The following PRDM7 variants were observed in gnomAD, a reference collection of about 807,000 sequenced individuals.
PRDM7 encodes histone-lysine N-methyltransferase PRDM7.
In PRDM7, 52 loss-of-function variants were observed where a neutral mutation model predicts 64.3. The ratio of observed to expected loss-of-function variants is 0.81; its 90% confidence interval spans 0.65 to 1.02. The LOEUF is 1.02. PRDM7 is among the 50% of genes least tolerant of loss of function. The pLI, the probability that PRDM7 is intolerant of heterozygous loss-of-function variation, is 0.00. For missense variants in PRDM7, 574 were observed against 597.1 expected, an observed-to-expected ratio of 0.96 and a Z score of 0.40; for synonymous variants, 192 against 210.1, an observed-to-expected ratio of 0.91 and a Z score of 0.74.
At position 90,075,449 on chromosome 16, in the gene PRDM7, G is replaced by A; in HGVS notation, c.95C>T (p.Ser32Phe). The stretch of plus-strand genomic sequence containing the variant: ...CCATTCTTCCTTGGTGAAGTATATG[G>A]AAATGTCTTTGAAGGCATCTTTGAC... ...PMVKDAFKDI[S>F]IYFTKEEWAE... The change falls in exon 3 of 11, where the codon TCC (serine) becomes TTC (phenylalanine). Residue 32 changes from serine (S) to phenylalanine (F), a missense_variant. Physicochemically the swap from Ser to Phe is radical, Grantham distance 155. Coordinates refer to ENST00000449207, the MANE Select transcript of PRDM7 (RefSeq NM_001098173.2). The surrounding 1 kb of genome is among the most constrained non-coding windows in gnomAD (Gnocchi z 4.3). 6.2e-7 allele frequency: 1 copy of A among 1,614,136 alleles called. No individual in the cohort carries two copies.
In PRDM7 at chr16:90,067,150, G is replaced by C. The variant is rs549807182; in HGVS notation, c.302-240C>G. ...CCAGCTAATTTTTGCATTTTTAGTAGAGATGGGGTTTCTCCATGTTGGCGA... is the reference window on the plus strand; with the variant it reads ...CCAGCTAATTTTTGCATTTTTAGTACAGATGGGGTTTCTCCATGTTGGCGA... On this transcript the variant is annotated intron_variant, in intron 4 of 10. Coordinates refer to ENST00000449207, the MANE Select transcript of PRDM7 (RefSeq NM_001098173.2). Among the ~76,000 whole-genome samples the C allele has an allele frequency of 2.0e-5, 3 of 151,048 alleles. No individual in the cohort carries two copies. The East Asian group carries it at 5.8e-4, about 29-fold the overall frequency.
At position 90,062,470 on chromosome 16, in the gene PRDM7, A is replaced by G. The variant is rs762476409; in HGVS notation, c.541T>C (p.Tyr181His). The part of the protein sequence containing the change: ...LRRKETEGKM[Y>H]SLRERKGHAY... ...TGACCCTTTCTTTCTCGCAGGCTAT[A>G]CATCTTTCCTTCAGTCTCCTTCCTC... The change falls in exon 7 of 11, where the codon TAT (tyrosine) becomes CAT (histidine). Residue 181 changes from tyrosine (Y) to histidine (H), a missense_variant. By Grantham distance (83) the Tyr-to-His change is moderately conservative. Coordinates refer to ENST00000449207, the MANE Select transcript of PRDM7 (RefSeq NM_001098173.2). 6.2e-7 allele frequency: 1 copy of G among 1,614,104 alleles called. No individual in the cohort carries two copies. The highest frequency in any genetic ancestry group is 8.5e-7 in the Non-Finnish European group (1 of 1,180,018).
chr16:90,072,136 C>T (rs1258244340), intron 4 of PRDM7, among the ~76,000 whole-genome samples: 6 of 150,810 alleles, frequency 4.0e-5, no homozygotes, highest in African/African-American at 7.3e-5. Flanking sequence ...GATGCTGAGG[C>T]GGGAGAATGG....
intron 8 of PRDM7, 27 bp downstream of exon 8, chr16:90,061,894 A>G (rs2037783737): frequency 6.2e-7 from 1 of 1,614,138 alleles, no homozygotes; most frequent in South Asian, 1.1e-5. Flanking sequence ...GGAAGACAGA[A>G]CAGGGGAAAC....
At chr16:90,063,563 C>A in intron 6 of PRDM7, 49 bp downstream of exon 6, 1 of 1,601,454 alleles carries the variant, frequency 6.2e-7, no homozygotes, top group Non-Finnish European at 8.5e-7. Context: ...ACTCACCAAC[C>A]TTTCTAGAGG....
intron 5 of PRDM7, among the ~76,000 whole-genome samples, chr16:90,064,649 A>C (rs1387482101): frequency 6.6e-6 from 1 of 151,092 alleles, no homozygotes; most frequent in Non-Finnish European, 1.5e-5. Context: ...CCTCACCTCA[A>C]GTGATCCACC....
intron 4 of PRDM7, among the ~76,000 whole-genome samples, chr16:90,074,294 C>G (rs1225699200): frequency 6.6e-6 from 1 of 151,048 alleles, no homozygotes; most frequent in Non-Finnish European, 1.5e-5. Context: ...TCATCATCAT[C>G]ATCATCATCA....
At chr16:90,061,220 G>C (rs1486026736) in intron 9 of PRDM7, among the ~76,000 whole-genome samples, 1 of 152,036 alleles carries the variant, frequency 6.6e-6, no homozygotes, top group Non-Finnish European at 1.5e-5. Flanking sequence ...GGTTTATCTT[G>C]GTGCCTCAAT....
chr16:90,061,316 TA>T, intron 9 of PRDM7, 135 bp downstream of exon 9: 2 of 853,308 alleles, frequency 2.3e-6, no homozygotes, highest in Middle Eastern at 2.7e-4. Context: ...GTTGATGGTA[TA>T]AAACAGCATT....
At chr16:90,065,866 A>G (rs1243944181) in intron 5 of PRDM7, among the ~76,000 whole-genome samples, 1 of 151,366 alleles carries the variant, frequency 6.6e-6, no homozygotes, top group Admixed American at 6.6e-5. Flanking sequence ...AGTTTAATTC[A>G]TAAGCTTGGA....
rs2038025748 is a variant in PRDM7, at chr16:90,075,594, A to G, written c.70-120T>C. On this transcript the variant is annotated intron_variant, in intron 2 of 10. Transcript: ENST00000449207. The surrounding 1 kb of genome is among the most constrained non-coding windows in gnomAD (Gnocchi z 4.3). Reference sequence around the variant, plus strand: ...CTGGGAGTCTCTGTGAAACATAAAGACCTTCCCTCCTTCTCCAGATTGTGT... The same window carrying G: ...CTGGGAGTCTCTGTGAAACATAAAGGCCTTCCCTCCTTCTCCAGATTGTGT... 4 of 1,518,524 alleles carry G rather than the reference A, an allele frequency of 2.6e-6. No individual in the cohort carries two copies. In the East Asian group the frequency reaches 6.8e-5, roughly 26 times the overall value. 94.1% of individuals were successfully genotyped at this position (1,518,524 alleles called of 1,614,324 possible). A position where few individuals can be genotyped will look rare whatever the true frequency, so the allele number is the denominator to read the frequency against.
intron 4 of PRDM7, among the ~76,000 whole-genome samples, chr16:90,074,561 G>T (rs954559034): frequency 6.6e-6 from 1 of 151,554 alleles, no homozygotes; most frequent in Non-Finnish European, 1.5e-5. Flanking sequence ...GGATGACAGA[G>T]CAAGACTCTG....
At chr16:90,062,652 A>C (rs1226071416) in intron 6 of PRDM7, 150 bp from the exon 7 acceptor site, 3 of 761,890 alleles carry the variant, frequency 3.9e-6, no homozygotes, top group Non-Finnish European at 6.7e-6. Context: ...AGAGAGACTT[A>C]GACCCCACAC....
chr16:90,074,277 A>G (rs1597694313), intron 4 of PRDM7, among the ~76,000 whole-genome samples: 1 of 89,076 alleles, frequency 1.1e-5, no homozygotes, highest in African/African-American at 3.9e-5. Flanking sequence ...AGTAACAATC[A>G]TCATCGTCAT....
chr16:90,062,917 A>G (rs1378897507), intron 6 of PRDM7, among the ~76,000 whole-genome samples: 4 of 152,246 alleles, frequency 2.6e-5, no homozygotes, highest in Admixed American at 2.6e-4. Flanking sequence ...GAAACGCACA[A>G]AAGAATATAT....
intron 4 of PRDM7, among the ~76,000 whole-genome samples, chr16:90,072,792 A>G (rs2037979786): frequency 6.6e-6 from 1 of 152,238 alleles, no homozygotes; most frequent in African/African-American, 2.4e-5. Flanking sequence ...ATAAAGATGT[A>G]TAGATGTGTG....
At chr16:90,068,449 C>A (rs1044542391) in intron 4 of PRDM7, among the ~76,000 whole-genome samples, 1 of 150,214 alleles carries the variant, frequency 6.7e-6, no homozygotes, top group Non-Finnish European at 1.5e-5. Context: ...TCCTGGCTAA[C>A]GTGGTGAAAC....
chr16:90,072,393 C>G (rs192029102), intron 4 of PRDM7, among the ~76,000 whole-genome samples: 1 of 152,180 alleles, frequency 6.6e-6, no homozygotes, highest in Admixed American at 6.5e-5. Flanking sequence ...GAATATTATT[C>G]AGCCTTAAAA....
rs1196040424 is a variant in PRDM7, at chr16:90,075,313, A to G, written c.193+38T>C. 1.2e-6 allele frequency: 2 copies of G among 1,614,024 alleles called. No homozygotes were observed. The highest frequency in any genetic ancestry group is 1.1e-5 in the South Asian group (1 of 91,074). On this transcript the variant is annotated intron_variant, in intron 3 of 10. Coordinates refer to ENST00000449207, the MANE Select transcript of PRDM7 (RefSeq NM_001098173.2). This position sits in a 1 kb window ranked among gnomAD's most constrained non-coding sequence, Gnocchi z 4.3. ...TATAGGGACCAAAGACCTGTTTTAT[A>G]TCGCCCAGGCTGGTCTGTGCCCAGC...
Sources: gnomAD v4.1 joint callset for allele counts (sites outside exome capture counted in the v4.1 genomes callset) on GRCh38, gnomAD v4.1.1 for gene constraint, Gnocchi (gnomAD v3.1) non-coding constraint, MANE v1.5 for transcripts, NCBI Gene and HGNC (gene_info 2026-07-23, HGNC 2026-07-21) for gene names.